FRMD5: variants seen among roughly 807,000 people sequenced by gnomAD.
FRMD5 encodes FERM domain-containing protein 5.
FRMD5 carries 20 observed loss-of-function variants against 69.0 expected under a neutral mutation model. The observed-to-expected ratio is 0.29, with a 90% CI of 0.20 to 0.42. The LOEUF (loss-of-function observed/expected upper bound fraction) is 0.42. Among genes scored for constraint, FRMD5 ranks in the 10% least tolerant of loss-of-function variants. FRMD5 has a pLI of 1.00. For missense variants in FRMD5, 595 were observed against 708.6 expected (o/e 0.84, Z 1.82); for synonymous variants, 271 against 260.1 (o/e 1.04, Z -0.40).
In FRMD5 at chr15:44,056,738, G is replaced by C. The variant is rs148844195; in HGVS notation, c.103-132429C>G. Among the ~76,000 whole-genome samples, 11 of 152,250 alleles carry C rather than the reference G, an allele frequency of 7.2e-5. No individual in the cohort carries two copies. The East Asian group carries it at 2.1e-3, about 29-fold the overall frequency. On this transcript the variant is annotated intron_variant, in intron 1 of 13. Coordinates refer to ENST00000417257, the MANE Select transcript of FRMD5 (RefSeq NM_032892.5). Reference sequence around the variant, plus strand: ...TGACTTCAGAAACCTAGGCTAGGAAGGGCACTCTCTTGGCAAGTGTGTCAG... The same window carrying C: ...TGACTTCAGAAACCTAGGCTAGGAACGGCACTCTCTTGGCAAGTGTGTCAG...
chr15:44,186,459 T>C lies in FRMD5; in HGVS notation c.102+8494A>G, dbSNP rs914555741. Among the ~76,000 whole-genome samples, 5 of 152,324 alleles carry C rather than the reference T, an allele frequency of 3.3e-5. No individual in the cohort carries two copies. In the East Asian group the frequency reaches 9.7e-4, roughly 29 times the overall value. On this transcript the variant is annotated intron_variant, in intron 1 of 13. Transcript: ENST00000417257. ...GTCTGGAGGTGAAGGATAATTTGCC[T>C]GACTAAGGAGTGCCTGGATGGAGTA...
rs1398777113 is a variant in FRMD5 at position 43,883,560 on chromosome 15, C to G, written c.1135+143G>C. 7 of 618,044 alleles carry G rather than the reference C, an allele frequency of 1.1e-5. No individual in the cohort carries two copies. In the Admixed American group the frequency reaches 2.0e-4, roughly 17 times the overall value. The allele number at this position is 618,044 out of a possible 1,614,324, so 38.3% of individuals were successfully genotyped here. A position where few individuals can be genotyped will look rare whatever the true frequency, so the allele number is the denominator to read the frequency against. ...TGTACCCAGCTAATATTCCCATCCA[C>G]TGGATAAAACCTCCTACTTGCCACT... On this transcript the variant is annotated intron_variant, in intron 13 of 13. Coordinates refer to ENST00000417257, the MANE Select transcript of FRMD5 (RefSeq NM_032892.5).
intron 1 of FRMD5, among the ~76,000 whole-genome samples, chr15:43,976,989 C>T (rs948997164): frequency 6.6e-6 from 1 of 152,134 alleles, no homozygotes; most frequent in African/African-American, 2.4e-5. Context: ...TGCCACCACA[C>T]CCAGCTAATT....
At chr15:43,913,357 T>C (rs1300352537) in intron 4 of FRMD5, among the ~76,000 whole-genome samples, 4 of 152,068 alleles carry the variant, frequency 2.6e-5, no homozygotes, top group Non-Finnish European at 5.9e-5. Context: ...AAACAAACCA[T>C]AGTTGAGGGC....
At chr15:44,072,237 A>C (rs952162632) in intron 1 of FRMD5, among the ~76,000 whole-genome samples, 9 of 152,216 alleles carry the variant, frequency 5.9e-5, no homozygotes, top group African/African-American at 1.9e-4. Flanking sequence ...CTTTAGACCT[A>C]TCGACCTCGT....
chr15:43,905,847 T>G lies in FRMD5; in HGVS notation c.532A>C (p.Ile178Leu). The G allele has an allele frequency of 6.2e-7, 1 of 1,614,258 alleles. No individual in the cohort carries two copies. The highest frequency in any genetic ancestry group is 8.5e-7 in the Non-Finnish European group (1 of 1,180,048). Reference protein sequence around the residue: ...SEKLERKIAEIHKTELSGQTP... With the variant: ...SEKLERKIAELHKTELSGQTP... ...ACGTACCTCAGTTCCGTCTTGTGAA[T>G]CTCAGCAATTTTCCTTTCCAGCTTC... The change falls in exon 6 of 14, where the codon ATT becomes CTT. Residue 178 changes from isoleucine to leucine, a missense_variant. Transcript: ENST00000417257.
At chr15:44,183,707 C>T (rs1021712199) in intron 1 of FRMD5, among the ~76,000 whole-genome samples, 1 of 152,080 alleles carries the variant, frequency 6.6e-6, no homozygotes, top group Non-Finnish European at 1.5e-5. Flanking sequence ...TCTCAGCCGG[C>T]GCGGTGGCTC....
intron 1 of FRMD5, among the ~76,000 whole-genome samples, chr15:44,168,263 T>C (rs987527819): frequency 6.6e-6 from 1 of 152,244 alleles, no homozygotes; most frequent in African/African-American, 2.4e-5. Context: ...TTTGAGTGAC[T>C]TCCCAAGCAA....
chr15:43,892,256 CAGGCA>C (rs541010261), intron 7 of FRMD5, among the ~76,000 whole-genome samples, 187 bp from the exon 8 acceptor site: 46 of 152,350 alleles, frequency 3.0e-4, no homozygotes, highest in African/African-American at 1.1e-3. Flanking sequence ...CGCATGACTA[CAGGCA>C]AGTTACTTGC....
At chr15:44,179,615 A>G (rs761494112) in intron 1 of FRMD5, among the ~76,000 whole-genome samples, 5 of 152,214 alleles carry the variant, frequency 3.3e-5, no homozygotes, top group Non-Finnish European at 7.3e-5. Context: ...GAACATCTGT[A>G]TTTATAAATA....
chr15:44,095,101 A>G (rs2076531931), intron 1 of FRMD5, among the ~76,000 whole-genome samples: 1 of 152,054 alleles, frequency 6.6e-6, no homozygotes. Context: ...ATTTGAAAAC[A>G]TACAGATTCC....
intron 1 of FRMD5, among the ~76,000 whole-genome samples, chr15:44,121,249 A>T (rs1231967880): frequency 1.7e-5 from 2 of 116,684 alleles, no homozygotes; most frequent in African/African-American, 5.9e-5. Flanking sequence ...ATCACTAAGG[A>T]CATTAACTAG....
rs2140325385 is a variant in FRMD5, at chr15:43,873,262, A to T, written c.*623T>A. On this transcript the variant is annotated 3_prime_UTR_variant, in exon 14 of 14. Coordinates refer to ENST00000417257, the MANE Select transcript of FRMD5 (RefSeq NM_032892.5). ...AAAAACAAAAGGAAAAGAAAATCCA[A>T]CTCAGACCATCATAAGAAGCAACTT... 3 of 1,545,926 alleles carry T rather than the reference A, an allele frequency of 1.9e-6. No homozygotes were observed. The highest frequency in any genetic ancestry group is 2.6e-6 in the Non-Finnish European group (3 of 1,145,852).
At chr15:44,002,020 A>G (rs1205127514) in intron 1 of FRMD5, among the ~76,000 whole-genome samples, 2 of 152,154 alleles carry the variant, frequency 1.3e-5, no homozygotes, top group African/African-American at 4.8e-5. Flanking sequence ...CTTTATTTTG[A>G]TGCCAAAAGA....
At chr15:44,116,275 C>T (rs76588629) in intron 1 of FRMD5, among the ~76,000 whole-genome samples, 2 of 150,640 alleles carry the variant, frequency 1.3e-5, no homozygotes, top group Non-Finnish European at 3.0e-5. Flanking sequence ...TTTTAAGAGA[C>T]AGGGTCTGGC....
intron 1 of FRMD5, among the ~76,000 whole-genome samples, chr15:43,985,323 A>T (rs1315027232): frequency 2.0e-5 from 3 of 148,946 alleles, no homozygotes; most frequent in African/African-American, 7.4e-5. Flanking sequence ...GTTTGGAACC[A>T]TCAGTTCTAG....
intron 1 of FRMD5, among the ~76,000 whole-genome samples, chr15:44,156,866 T>C (rs1012030019): frequency 1.3e-5 from 2 of 152,146 alleles, no homozygotes; most frequent in Non-Finnish European, 2.9e-5. Flanking sequence ...CAAGAGTTCA[T>C]GACCAGCCTG....
intron 1 of FRMD5, among the ~76,000 whole-genome samples, chr15:44,026,397 T>C (rs1267845240): frequency 6.6e-6 from 1 of 152,260 alleles, no homozygotes; most frequent in Non-Finnish European, 1.5e-5. Flanking sequence ...CATTTGACTG[T>C]ATTAAAATAC....
intron 1 of FRMD5, among the ~76,000 whole-genome samples, chr15:44,130,009 A>C (rs560869913): frequency 6.6e-6 from 1 of 152,100 alleles, no homozygotes; most frequent in Non-Finnish European, 1.5e-5. Context: ...TACAATGTCA[A>C]CTCTCCCTAA....
Sources: gnomAD v4.1 joint callset for allele counts (sites outside exome capture counted in the v4.1 genomes callset) on GRCh38, gnomAD v4.1.1 for gene constraint, MANE v1.5 for transcripts, NCBI Gene and HGNC (gene_info 2026-07-23, HGNC 2026-07-21) for gene names.